NSD1: variants seen among roughly 807,000 people sequenced by gnomAD.
NSD1 encodes histone-lysine N-methyltransferase, H3 lysine-36 specific.
In NSD1, 26 loss-of-function variants were observed where a neutral mutation model predicts 242.7. The observed-to-expected ratio is 0.11, with a 90% CI of 0.08 to 0.15. The LOEUF (loss-of-function observed/expected upper bound fraction) is 0.15. NSD1 is among the 10% of genes least tolerant of loss of function. The probability of loss-of-function intolerance (pLI) is 1.00; values close to 1 mark genes in which losing one functional copy is unlikely to be tolerated. For synonymous variants in NSD1, 1,106 were observed against 1,178.1 expected, an observed-to-expected ratio of 0.94 and a Z score of 1.25; for missense variants, 2,495 against 3,272.8, an observed-to-expected ratio of 0.76 and a Z score of 5.80.
chr5:177,260,271 AT>A, intron 14 of NSD1, 103 bp downstream of exon 14: 1 of 1,046,690 alleles, frequency 9.6e-7, no homozygotes, highest in Non-Finnish European at 1.4e-6. Flanking sequence ...TGGAAAAAAT[AT>A]TAGAAATGAT....
At chr5:177,170,473 C>A (rs1348376700) in intron 2 of NSD1, among the ~76,000 whole-genome samples, 1 of 151,818 alleles carries the variant, frequency 6.6e-6, no homozygotes, top group Non-Finnish European at 1.5e-5. Flanking sequence ...GCCTCAGCCT[C>A]CTGAGTAGCT....
In NSD1 at chr5:177,209,967, A is replaced by G. The variant is rs1336153941; in HGVS notation, c.1568A>G (p.Asp523Gly). Residue 523 changes from aspartate to glycine, a missense_variant, in exon 5 of 23, where the codon GAT becomes GGT. Physicochemically the swap from Asp to Gly is moderately conservative, Grantham distance 94. This residue lies in a region of NSD1 where 515 missense variants were observed against 467.0 expected (regional missense o/e 1.10). Transcript: ENST00000439151. The part of the protein sequence containing the change: ...KGHIQFEAHK[D>G]ERRGKIPENL... Reference sequence around the variant, plus strand: ...CACATACAATTTGAAGCACATAAAGATGAACGGAGGGGAAAGATTCCAGAG... The same window carrying G: ...CACATACAATTTGAAGCACATAAAGGTGAACGGAGGGGAAAGATTCCAGAG... 1.2e-6 allele frequency: 2 copies of G among 1,614,032 alleles called. No homozygotes were observed. The highest frequency in any genetic ancestry group is 2.2e-5 in the East Asian group (1 of 44,898).
chr5:177,212,161 C>T lies in NSD1; in HGVS notation c.3762C>T (p.Pro1254=), dbSNP rs794727734. The T allele has an allele frequency of 2.5e-6, 4 of 1,613,874 alleles. No individual in the cohort carries two copies. Among genetic ancestry groups the T allele is most frequent in the Middle Eastern group, 1.6e-4 (1 of 6,062 alleles). ...IGDMEKEPGI[P]SLTPQAELPE... is the part of the protein sequence containing the mutation. ...ACATGGAAAAGGAGCCAGGAATTCC[C>T]AGTTTGACACCACAGGCTGAGCTCC... Residue 1254 remains proline, a synonymous_variant, in exon 5 of 23, where the codon CCC becomes CCT. Transcript: ENST00000439151.
At chr5:177,245,815 T>C (rs1447445387) in intron 9 of NSD1, among the ~76,000 whole-genome samples, 1 of 151,616 alleles carries the variant, frequency 6.6e-6, no homozygotes, top group Non-Finnish European at 1.5e-5. Flanking sequence ...TGTTTTGTAT[T>C]TTTAGTAGAG....
intron 11 of NSD1, among the ~76,000 whole-genome samples, chr5:177,249,597 C>T (rs919334956): frequency 2.6e-5 from 4 of 152,094 alleles, no homozygotes; most frequent in Non-Finnish European, 5.9e-5. Context: ...CTCCCATTCT[C>T]CTGCCTCAGC....
intron 3 of NSD1, among the ~76,000 whole-genome samples, chr5:177,193,562 C>A (rs1265355643): frequency 6.6e-6 from 1 of 151,992 alleles, no homozygotes; most frequent in African/African-American, 2.4e-5. Flanking sequence ...CAGGTGTGAG[C>A]CACTGCACCT....
At chr5:177,141,207 A>C (rs1185538396) in intron 2 of NSD1, among the ~76,000 whole-genome samples, 1 of 150,416 alleles carries the variant, frequency 6.6e-6, no homozygotes, top group African/African-American at 2.5e-5. Flanking sequence ...TTTTTAGTAG[A>C]GACGGGGTTT....
At chr5:177,186,053 TATAAC>T (rs1226566139) in intron 2 of NSD1, among the ~76,000 whole-genome samples, 5 of 108,040 alleles carry the variant, frequency 4.6e-5, no homozygotes, top group African/African-American at 2.0e-4. Flanking sequence ...TAATATATAA[TATAAC>T]ATATAATATA....
intron 3 of NSD1, among the ~76,000 whole-genome samples, chr5:177,199,246 A>G (rs1413557811): frequency 1.3e-5 from 2 of 152,146 alleles, no homozygotes; most frequent in African/African-American, 4.8e-5. Context: ...GGTGTATTAA[A>G]TGCATTTTCT....
At position 177,135,217 on chromosome 5, in the gene NSD1, T is replaced by G. The variant is rs1169250439; in HGVS notation, c.114T>G (p.Asn38Lys). Residue 38 changes from asparagine (N) to lysine (K), a missense_variant, in exon 2 of 23, where the codon AAT (asparagine) becomes AAG (lysine). This residue lies in a region of NSD1 where 376 missense variants were observed against 367.4 expected (regional missense o/e 1.02). Transcript: ENST00000439151. ...KDSPFGNGQS[N>K]FSEPLNGCTM... ...GCCCTTTCGGTAATGGTCAATCCAA[T>G]TTTTCTGAGCCACTTAATGGGTGTA... 6.2e-7 allele frequency: 1 copy of G among 1,613,288 alleles called. No homozygotes were observed. The highest frequency in any genetic ancestry group is 1.3e-5 in the African/African-American group (1 of 74,910).
At chr5:177,257,247 T>TG in intron 13 of NSD1, 96 bp downstream of exon 13, 1 of 941,870 alleles carries the variant, frequency 1.1e-6, no homozygotes, top group Non-Finnish European at 1.6e-6. Flanking sequence ...TTTTTTTTTT[T>TG]GGAGACAGAG....
chr5:177,176,425 C>CTTTTTTTT (rs537202358), intron 2 of NSD1, among the ~76,000 whole-genome samples: 1 of 138,386 alleles, frequency 7.2e-6, no homozygotes. Flanking sequence ...CCTGGCTATT[C>CTTTTTTTT]TTTTTTTTTT....
intron 2 of NSD1, among the ~76,000 whole-genome samples, chr5:177,179,434 C>G (rs564881545): frequency 6.6e-6 from 1 of 152,188 alleles, no homozygotes; most frequent in Admixed American, 6.6e-5. Context: ...AGACTGGTCT[C>G]GAACTCCTGA....
intron 14 of NSD1, among the ~76,000 whole-genome samples, chr5:177,260,373 G>A (rs1378579680): frequency 1.0e-5 from 1 of 96,540 alleles, no homozygotes; most frequent in African/African-American, 4.1e-5. Context: ...TTGAGACAAC[G>A]TTTCACTCTG....
intron 2 of NSD1, among the ~76,000 whole-genome samples, chr5:177,154,138 C>A (rs1048670702): frequency 6.6e-6 from 1 of 152,092 alleles, no homozygotes; most frequent in Admixed American, 6.6e-5. Flanking sequence ...TTCTTTCCCA[C>A]TTGCACTTCT....
intron 21 of NSD1, among the ~76,000 whole-genome samples, chr5:177,290,818 C>T (rs1053663644): frequency 8.5e-5 from 13 of 152,140 alleles, no homozygotes; most frequent in Non-Finnish European, 1.8e-4. Flanking sequence ...GTTGGTTTAA[C>T]GGTGTTGTTC....
chr5:177,259,661 C>G (rs1047219844), intron 13 of NSD1, among the ~76,000 whole-genome samples: 10 of 152,138 alleles, frequency 6.6e-5, no homozygotes, highest in African/African-American at 2.4e-4. Flanking sequence ...TCACAGAGTT[C>G]CAGGCAAGCA....
intron 5 of NSD1, among the ~76,000 whole-genome samples, chr5:177,231,712 G>A (rs975494934): frequency 2.6e-5 from 4 of 151,934 alleles, no homozygotes; most frequent in Non-Finnish European, 4.4e-5. Context: ...GAGTCACTGC[G>A]CCCAAACCGT....
chr5:177,188,040 A>G (rs1325500224), intron 2 of NSD1, among the ~76,000 whole-genome samples: 2 of 152,214 alleles, frequency 1.3e-5, no homozygotes, highest in Non-Finnish European at 2.9e-5. Flanking sequence ...AGCCTGGAAG[A>G]TGCCACTTCT....
Sources: allele counts gnomAD v4.1 joint callset (sites outside exome capture counted in the v4.1 genomes callset), GRCh38; gene constraint gnomAD v4.1.1; regional missense constraint gnomAD v4.1.1; transcripts MANE v1.5; gene names NCBI Gene and HGNC (gene_info 2026-07-23, HGNC 2026-07-21).